Variants in MUSK observed in about 807,000 individuals in gnomAD.
MUSK encodes the protein muscle associated receptor tyrosine kinase.
In MUSK, 55 loss-of-function variants were observed where a neutral mutation model predicts 88.7. The ratio of observed to expected loss-of-function variants is 0.62; its 90% CI spans 0.50 to 0.78. MUSK has a LOEUF of 0.78. Among genes scored for constraint, MUSK ranks in the 30% least tolerant of loss-of-function variants. The pLI is 0.00. For missense variants in MUSK, 1,015 were observed against 1,074.3 expected, an observed-to-expected ratio of 0.94 and a Z score of 0.77; for synonymous variants, 387 against 391.9, an observed-to-expected ratio of 0.99 and a Z score of 0.15.
At chr9:110,686,281 T>A (rs1331900074) in intron 2 of MUSK, among the ~76,000 whole-genome samples, 1 of 152,096 alleles carries the variant, frequency 6.6e-6, no homozygotes, top group Non-Finnish European at 1.5e-5. Context: ...TTCCATCTTT[T>A]AAGGATACTT....
intron 5 of MUSK, among the ~76,000 whole-genome samples, chr9:110,704,024 C>T (rs2076564153): frequency 6.6e-6 from 1 of 152,222 alleles, no homozygotes; most frequent in East Asian, 1.9e-4. Context: ...ATTAGGATAA[C>T]AATAGAGTGT....
chr9:110,760,789 C>T (rs1184854095), intron 7 of MUSK, among the ~76,000 whole-genome samples: 1 of 152,126 alleles, frequency 6.6e-6, no homozygotes, highest in Non-Finnish European at 1.5e-5. Flanking sequence ...AAAAGTCATA[C>T]ACTCAAAGTT....
In MUSK at chr9:110,784,875, C is replaced by T; in HGVS notation, c.1445C>T (p.Ser482Phe). 6.2e-7 allele frequency: 1 copy of T among 1,613,924 alleles called. No homozygotes were observed. The highest frequency in any genetic ancestry group is 2.2e-5 in the East Asian group (1 of 44,874). The change falls in exon 12 of 15, where the codon TCC (serine) becomes TTC (phenylalanine). Residue 482 changes from serine to phenylalanine, a missense_variant. By Grantham distance (155) the Ser-to-Phe change is radical. Coordinates refer to ENST00000374448, the MANE Select transcript of MUSK (RefSeq NM_005592.4). The part of the protein sequence containing the change: ...SVDIPNLPSS[S>F]SSSFSVSPTY... ...GACATTCCAAATCTGCCTTCCTCCT[C>T]CTCTTCTTCCTTCTCTGTCTCACCT...
chr9:110,787,700 T>C lies in MUSK; in HGVS notation c.1789T>C (p.Leu597=), dbSNP rs1280255668. The C allele has an allele frequency of 1.2e-6, 2 of 1,613,608 alleles. No individual in the cohort carries two copies. Among genetic ancestry groups the C allele is most frequent in the Non-Finnish European group, 1.7e-6 (2 of 1,179,838 alleles). The change falls in exon 14 of 15, where the codon TTA becomes CTA. Residue 597 remains leucine (L), a synonymous_variant. Transcript: ENST00000374448. Reference sequence around the variant, plus strand: ...AAATGTATCTCTCAGGGCACCAGGCTTACTTCCCTATGAACCTTTCACTAT... The same window carrying C: ...AAATGTATCTCTCAGGGCACCAGGCCTACTTCCCTATGAACCTTTCACTAT... ...GRVFQARAPG[L]LPYEPFTMVA...
chr9:110,723,321 C>CAA (rs1181049333), intron 5 of MUSK, among the ~76,000 whole-genome samples: 1 of 151,062 alleles, frequency 6.6e-6, no homozygotes, highest in Non-Finnish European at 1.5e-5. Flanking sequence ...GCATTCACAG[C>CAA]AACCTGGTTG....
chr9:110,710,646 G>A (rs2076656352), intron 5 of MUSK, among the ~76,000 whole-genome samples: 1 of 152,050 alleles, frequency 6.6e-6, no homozygotes, highest in Non-Finnish European at 1.5e-5. Flanking sequence ...CGTGACAAGT[G>A]ATAAAGGGAA....
chr9:110,777,104 T>A (rs891713416), intron 11 of MUSK, among the ~76,000 whole-genome samples: 1 of 152,158 alleles, frequency 6.6e-6, no homozygotes, highest in Non-Finnish European at 1.5e-5. Context: ...TTAAGACAGC[T>A]GATTTCCAGT....
At chr9:110,675,244 C>CA (rs985800317) in intron 1 of MUSK, among the ~76,000 whole-genome samples, 5 of 102,686 alleles carry the variant, frequency 4.9e-5, no homozygotes, top group African/African-American at 1.9e-4. Flanking sequence ...TTTTTTGAGA[C>CA]AGAGTCTTGC....
At chr9:110,705,075 A>G (rs2076579573) in intron 5 of MUSK, among the ~76,000 whole-genome samples, 1 of 152,146 alleles carries the variant, frequency 6.6e-6, no homozygotes, top group Non-Finnish European at 1.5e-5. Flanking sequence ...ATCTTTATAA[A>G]GAGAACTTTA....
intron 11 of MUSK, among the ~76,000 whole-genome samples, chr9:110,781,065 C>A (rs1233124844): frequency 6.6e-6 from 1 of 152,148 alleles, no homozygotes; most frequent in Non-Finnish European, 1.5e-5. Flanking sequence ...AACCTGATAT[C>A]TGCAGCTTTA....
intron 6 of MUSK, among the ~76,000 whole-genome samples, chr9:110,743,952 G>A (rs1388312579): frequency 6.6e-6 from 1 of 151,692 alleles, no homozygotes; most frequent in East Asian, 1.9e-4. Flanking sequence ...ACCCTACTGG[G>A]CAACATCCTT....
chr9:110,762,502 A>G (rs920112604), intron 8 of MUSK, among the ~76,000 whole-genome samples: 1 of 152,120 alleles, frequency 6.6e-6, no homozygotes, highest in Non-Finnish European at 1.5e-5. Context: ...CTTCACATGC[A>G]TTATTTAAAT....
chr9:110,708,767 G>C (rs1424298704), intron 5 of MUSK, among the ~76,000 whole-genome samples: 2 of 152,082 alleles, frequency 1.3e-5, no homozygotes, highest in Non-Finnish European at 2.9e-5. Flanking sequence ...AATAATGATA[G>C]CACTGAATAG....
Position 110,806,352 on chromosome 9 carries a change from T to C in MUSK, c.*5364T>C, listed in dbSNP as rs1422409671. ...GCTACATAAAATTAGAGCTTCCAAA[T>C]TTCCCTCCATCACTTCTCCCTGCTC... On this transcript the variant is annotated 3_prime_UTR_variant, in exon 15 of 15. Coordinates refer to ENST00000374448, the MANE Select transcript of MUSK (RefSeq NM_005592.4). Among the ~76,000 whole-genome samples, 1 of 152,158 alleles carries C rather than the reference T, an allele frequency of 6.6e-6. No homozygotes were observed. Among genetic ancestry groups the C allele is most frequent in the South Asian group, 2.1e-4 (1 of 4,834 alleles).
intron 5 of MUSK, among the ~76,000 whole-genome samples, chr9:110,723,234 TACACACAC>T (rs143582345): frequency 4.8e-5 from 7 of 146,776 alleles, no homozygotes; most frequent in Non-Finnish European, 7.5e-5. Flanking sequence ...TACATATACA[TACACACAC>T]ACACACACAC....
chr9:110,776,408 T>C (rs2077671957), intron 10 of MUSK, among the ~76,000 whole-genome samples: 1 of 152,250 alleles, frequency 6.6e-6, no homozygotes, highest in African/African-American at 2.4e-5. Context: ...AATTGCTTCA[T>C]GTTGCTTTAA....
intron 6 of MUSK, among the ~76,000 whole-genome samples, chr9:110,744,511 A>T (rs2077148782): frequency 6.6e-6 from 1 of 152,228 alleles, no homozygotes; most frequent in Admixed American, 6.5e-5. Context: ...GAGTTTTTAC[A>T]CACATTATGT....
At chr9:110,670,687 C>A (rs1028738233) in intron 1 of MUSK, among the ~76,000 whole-genome samples, 1 of 152,114 alleles carries the variant, frequency 6.6e-6, no homozygotes, top group East Asian at 1.9e-4. Context: ...AGATCATTCA[C>A]CCAATTTCAT....
intron 3 of MUSK, among the ~76,000 whole-genome samples, chr9:110,688,808 G>A (rs1323085900): frequency 4.6e-5 from 7 of 151,440 alleles, no homozygotes; most frequent in African/African-American, 1.7e-4. Context: ...TCCATTTTAT[G>A]GCTCTGTAGT....
Sources: allele counts gnomAD v4.1 joint callset (sites outside exome capture counted in the v4.1 genomes callset), GRCh38; gene constraint gnomAD v4.1.1; transcripts MANE v1.5; gene names NCBI Gene and HGNC (gene_info 2026-07-23, HGNC 2026-07-21).